CA2: variants seen among roughly 807,000 people sequenced by gnomAD.
CA2 encodes the protein carbonic anhydrase 2.
CA2 carries 23 observed loss-of-function variants against 27.8 expected under a neutral mutation model. The ratio of observed to expected loss-of-function variants is 0.83; its 90% CI spans 0.59 to 1.17. CA2 has a LOEUF of 1.17. CA2 is among the 50% of genes most tolerant of loss of function. CA2 has a pLI of 0.00. For synonymous variants in CA2, 99 were observed against 114.9 expected, an observed-to-expected ratio of 0.86 and a Z score of 0.88; for missense variants, 300 against 314.7, an observed-to-expected ratio of 0.95 and a Z score of 0.35.
rs1811887542 is a variant in CA2, at chr8:85,481,306, G to C, written c.*517G>C. 6.5e-6 allele frequency: 1 copy of C among 153,678 alleles called. No individual in the cohort carries two copies. Among genetic ancestry groups the C allele is most frequent in the African/African-American group, 2.4e-5 (1 of 41,392 alleles). 9.5% of individuals were successfully genotyped at this position (153,678 alleles called of 1,614,324 possible). On this transcript the variant is annotated 3_prime_UTR_variant, in exon 7 of 7. Coordinates refer to ENST00000285379, the MANE Select transcript of CA2 (RefSeq NM_000067.3). Reference sequence around the variant, plus strand: ...AAAATTATTATATATTTATAGCAAAGTTATCTTAAATATGAATTCTGTTGT... The same window carrying C: ...AAAATTATTATATATTTATAGCAAACTTATCTTAAATATGAATTCTGTTGT...
intron 4 of CA2, 46 bp from the exon 5 acceptor site, chr8:85,475,752 A>T: frequency 6.4e-7 from 1 of 1,551,692 alleles, no homozygotes. Context: ...AAACTGGTAC[A>T]GTACCAACTG....
intron 2 of CA2, among the ~76,000 whole-genome samples, chr8:85,471,978 A>G (rs1452405265): frequency 6.6e-6 from 1 of 152,176 alleles, no homozygotes; most frequent in Admixed American, 6.5e-5. Context: ...ACCATTTATA[A>G]TTCTTTCTGT....
At chr8:85,478,769 A>G (rs916078183) in intron 6 of CA2, among the ~76,000 whole-genome samples, 1 of 152,214 alleles carries the variant, frequency 6.6e-6, no homozygotes, top group Admixed American at 6.5e-5. Context: ...TGCTCAGCTC[A>G]GGAAGCTAGG....
intron 2 of CA2, among the ~76,000 whole-genome samples, chr8:85,466,878 A>C (rs1811639162): frequency 6.6e-6 from 1 of 152,188 alleles, no homozygotes; most frequent in Non-Finnish European, 1.5e-5. Context: ...TCTTGTAAAG[A>C]ATACTGTATA....
chr8:85,465,329 T>C lies in CA2; in HGVS notation c.92T>C (p.Val31Ala). Reference sequence around the variant, plus strand: ...GCCAAGGGAGAGCGCCAGTCCCCTGTTGACATCGACACTCATACAGCCAAG... The same window carrying C: ...GCCAAGGGAGAGCGCCAGTCCCCTGCTGACATCGACACTCATACAGCCAAG... Reference protein sequence around the residue: ...PIAKGERQSPVDIDTHTAKYD... With the variant: ...PIAKGERQSPADIDTHTAKYD... Residue 31 changes from valine to alanine, a missense_variant, in exon 2 of 7, where the codon GTT (valine) becomes GCT (alanine). Physicochemically the swap from Val to Ala is moderately conservative, Grantham distance 64. Around this residue, in one of 3 missense-constraint regions of CA2, gnomAD observed 122 missense variants for 133.2 expected, o/e 0.92. Coordinates refer to ENST00000285379, the MANE Select transcript of CA2 (RefSeq NM_000067.3). 6.2e-7 allele frequency: 1 copy of C among 1,614,210 alleles called. No individual in the cohort carries two copies. The highest frequency in any genetic ancestry group is 1.3e-5 in the African/African-American group (1 of 75,050).
chr8:85,480,574 C>T (rs977195073), intron 6 of CA2, 96 bp from the exon 7 acceptor site: 28 of 1,264,628 alleles, frequency 2.2e-5, no homozygotes, highest in Non-Finnish European at 2.7e-5. Flanking sequence ...TGAGCCACTG[C>T]GCCTGGCCGG....
At chr8:85,478,926 TC>T (rs1425517621) in intron 6 of CA2, among the ~76,000 whole-genome samples, 5 of 152,188 alleles carry the variant, frequency 3.3e-5, no homozygotes, top group African/African-American at 1.2e-4. Flanking sequence ...TCCATTGGCT[TC>T]CTAAGAGCAG....
intron 5 of CA2, 55 bp downstream of exon 5, chr8:85,475,915 G>A (rs935734556): frequency 2.1e-6 from 3 of 1,431,460 alleles, no homozygotes; most frequent in African/African-American, 2.8e-5. Context: ...ATACTCCATT[G>A]GTTTTAGAAA....
chr8:85,479,960 T>A (rs141128856), intron 6 of CA2, among the ~76,000 whole-genome samples: 1 of 152,162 alleles, frequency 6.6e-6, no homozygotes, highest in Non-Finnish European at 1.5e-5. Context: ...TGTATGGATG[T>A]GGTAGTTTGT....
chr8:85,479,874 G>A (rs972736061), intron 6 of CA2, among the ~76,000 whole-genome samples: 1 of 152,150 alleles, frequency 6.6e-6, no homozygotes, highest in Non-Finnish European at 1.5e-5. Context: ...ATTCATTTCC[G>A]TGTTTTTGTG....
At position 85,474,377 on chromosome 8, in the gene CA2, G is replaced by A. The variant is rs1811757489; in HGVS notation, c.405G>A (p.Gln135=). The A allele has an allele frequency of 6.2e-7, 1 of 1,613,924 alleles. No homozygotes were observed. Among genetic ancestry groups the A allele is most frequent in the African/African-American group, 1.3e-5 (1 of 74,924 alleles). Residue 135 remains glutamine, a synonymous_variant, in exon 4 of 7, where the codon CAG becomes CAA. Coordinates refer to ENST00000285379, the MANE Select transcript of CA2 (RefSeq NM_000067.3). ...ATGGGGATTTTGGGAAAGCTGTGCA[G>A]CAACCTGATGGACTGGCCGTTCTAG... ...TKYGDFGKAV[Q]QPDGLAVLGI...
chr8:85,475,388 A>AAG (rs1275680218), intron 4 of CA2, among the ~76,000 whole-genome samples: 1 of 150,594 alleles, frequency 6.6e-6, no homozygotes, highest in Non-Finnish European at 1.5e-5. Flanking sequence ...AAAAAAAAAA[A>AAG]AAAAAAAAGC....
intron 5 of CA2, 93 bp downstream of exon 5, chr8:85,475,953 A>T (rs1308012640): frequency 1.1e-6 from 1 of 945,306 alleles, no homozygotes; most frequent in Non-Finnish European, 1.7e-6. Context: ...GCACAGTCTC[A>T]ATGACATGTG....
At chr8:85,465,496 CT>C in intron 2 of CA2, 27 bp downstream of exon 2, 1 of 1,583,586 alleles carries the variant, frequency 6.3e-7, no homozygotes. Flanking sequence ...TAACTTGTGT[CT>C]TTTAGCCAGT....
At chr8:85,477,511 C>A (rs190559457) in intron 6 of CA2, among the ~76,000 whole-genome samples, 2 of 149,200 alleles carry the variant, frequency 1.3e-5, no homozygotes, top group African/African-American at 4.9e-5. Flanking sequence ...TGTAAGGATT[C>A]AATGAGAAAG....
rs559392658 is a variant in CA2 at position 85,465,541 on chromosome 8, A to T, written c.232+72A>T. 3.9e-5 allele frequency: 48 copies of T among 1,220,640 alleles called. No individual in the cohort carries two copies. The East Asian group carries it at 1.2e-3, about 29-fold the overall frequency. The allele number at this position is 1,220,640 out of a possible 1,614,324, so 75.6% of individuals were successfully genotyped here. A position where few individuals can be genotyped will look rare whatever the true frequency, so the allele number is the denominator to read the frequency against. ...TCCGAGCTTAATGGAAGGAGCCAGGAACAGTGGCAGGAACCCTCTTAATAA... is the reference window on the plus strand; with the variant it reads ...TCCGAGCTTAATGGAAGGAGCCAGGTACAGTGGCAGGAACCCTCTTAATAA... On this transcript the variant is annotated intron_variant, in intron 2 of 6. Transcript: ENST00000285379.
At chr8:85,476,889 C>T (rs1040545361) in intron 5 of CA2, among the ~76,000 whole-genome samples, 2 of 151,416 alleles carry the variant, frequency 1.3e-5, no homozygotes, top group Non-Finnish European at 2.9e-5. Flanking sequence ...GAAAAATGGA[C>T]ATGTGAAAAT....
chr8:85,471,315 C>T (rs1811710246), intron 2 of CA2, among the ~76,000 whole-genome samples: 1 of 151,696 alleles, frequency 6.6e-6, no homozygotes, highest in Non-Finnish European at 1.5e-5. Context: ...TTAACAGGGG[C>T]TAAAACAGGT....
At chr8:85,475,656 C>A in intron 4 of CA2, 142 bp from the exon 5 acceptor site, 1 of 744,422 alleles carries the variant, frequency 1.3e-6, no homozygotes, top group Non-Finnish European at 2.4e-6. Context: ...GTCATCAAGC[C>A]AGTACTGATG....
Sources: gnomAD v4.1 joint callset for allele counts (sites outside exome capture counted in the v4.1 genomes callset) on GRCh38, gnomAD v4.1.1 for gene constraint, gnomAD v4.1.1 regional missense constraint, MANE v1.5 for transcripts, NCBI Gene and HGNC (gene_info 2026-07-23, HGNC 2026-07-21) for gene names.